The following SSPN variants were observed in gnomAD, a reference collection of about 807,000 sequenced individuals.
SSPN encodes the protein K-ras oncogene-associated protein.
A neutral mutation model predicts 19.1 loss-of-function variants in SSPN; 15 were observed. That is an observed-to-expected ratio of 0.78 (90% CI 0.52 to 1.21). The LOEUF is 1.21. Ranked by LOEUF, SSPN falls within the 50% of genes most tolerant of loss-of-function variation. SSPN has a pLI of 0.00. For missense variants in SSPN, 291 were observed against 314.0 expected, an observed-to-expected ratio of 0.93 and a Z score of 0.55; for synonymous variants, 147 against 140.3, an observed-to-expected ratio of 1.05 and a Z score of -0.34.
chr12:26,176,499 G>A (rs1944684706), intron 1 of SSPN, among the ~76,000 whole-genome samples: 1 of 152,188 alleles, frequency 6.6e-6, no homozygotes, highest in African/African-American at 2.4e-5. Context: ...GTGTGTTAAA[G>A]CCAGCAAGCA....
intron 1 of SSPN, chr12:26,123,612 C>T (rs1457703335): frequency 3.2e-6 from 5 of 1,572,522 alleles, no homozygotes; most frequent in Admixed American, 3.3e-5. Context: ...GTAGGCTGGC[C>T]TCCCTGAACT....
chr12:26,172,982 A>C (rs1944662797), intron 1 of SSPN, among the ~76,000 whole-genome samples: 1 of 152,166 alleles, frequency 6.6e-6, no homozygotes, highest in Non-Finnish European at 1.5e-5. Context: ...GAGTAAAGAC[A>C]ATTTTTTAAC....
intron 1 of SSPN, among the ~76,000 whole-genome samples, chr12:26,199,425 C>A (rs760376539): frequency 6.6e-6 from 1 of 152,124 alleles, no homozygotes; most frequent in African/African-American, 2.4e-5. Context: ...GACTACGTAA[C>A]CTGTAAAAGT....
chr12:26,150,503 C>A (rs942992464), intron 1 of SSPN, among the ~76,000 whole-genome samples: 1 of 152,056 alleles, frequency 6.6e-6, no homozygotes. Context: ...CCTGTACATA[C>A]AATTTATATA....
chr12:26,139,110 A>T (rs995757547), intron 1 of SSPN, among the ~76,000 whole-genome samples: 8 of 152,152 alleles, frequency 5.3e-5, no homozygotes, highest in African/African-American at 1.9e-4. Context: ...ACTATGTTAT[A>T]AATGATGTGT....
intron 1 of SSPN, among the ~76,000 whole-genome samples, chr12:26,171,624 A>ATT (rs3082328): frequency 6.7e-6 from 1 of 149,272 alleles, no homozygotes; most frequent in Non-Finnish European, 1.5e-5. Context: ...TGTTTTCCCT[A>ATT]TTTTTTTTTT....
chr12:26,132,350 A>G (rs909866205), intron 1 of SSPN, among the ~76,000 whole-genome samples: 5 of 152,214 alleles, frequency 3.3e-5, no homozygotes, highest in African/African-American at 1.2e-4. Context: ...CAATAAGTTT[A>G]CAATTTAATG....
At chr12:26,166,816 T>G (rs1944624116) in intron 1 of SSPN, among the ~76,000 whole-genome samples, 1 of 152,220 alleles carries the variant, frequency 6.6e-6, no homozygotes, top group South Asian at 2.1e-4. Flanking sequence ...ATAGGAAAAG[T>G]TTGCTGATCT....
intron 1 of SSPN, among the ~76,000 whole-genome samples, chr12:26,152,745 A>T (rs1944532908): frequency 6.6e-6 from 1 of 152,186 alleles, no homozygotes; most frequent in Admixed American, 6.5e-5. Context: ...TCATATTTTT[A>T]AAATGTATGT....
At position 26,230,903 on chromosome 12, in the gene SSPN, G is replaced by A. The variant is rs754481274; in HGVS notation, c.559G>A (p.Val187Ile). Residue 187 changes from valine to isoleucine, a missense_variant, in exon 3 of 3, where the codon GTC (valine) becomes ATC (isoleucine). Physicochemically the swap from Val to Ile is conservative, Grantham distance 29. This residue lies in a region of SSPN where 141 missense variants were observed against 166.7 expected (regional missense o/e 0.85). Coordinates refer to ENST00000242729, the MANE Select transcript of SSPN (RefSeq NM_005086.5). ...CCGGGATGTGACGGACTGTACCAGCGTCACTGGCACTTTCAAACTGTTCTT... is the reference window on the plus strand; with the variant it reads ...CCGGGATGTGACGGACTGTACCAGCATCACTGGCACTTTCAAACTGTTCTT... The part of the protein sequence containing the change: ...VYRDVTDCTS[V>I]TGTFKLFLLI... The A allele has an allele frequency of 1.4e-5, 22 of 1,614,022 alleles. No homozygotes were observed. The highest frequency in any genetic ancestry group is 2.2e-5 in the South Asian group (2 of 91,080).
chr12:26,134,631 A>G (rs564866957), intron 1 of SSPN, among the ~76,000 whole-genome samples: 2 of 152,264 alleles, frequency 1.3e-5, no homozygotes, highest in Non-Finnish European at 2.9e-5. Context: ...AAACACTTGA[A>G]TGACAAGTCA....
intron 1 of SSPN, among the ~76,000 whole-genome samples, chr12:26,214,366 AG>A (rs1945024100): frequency 6.6e-6 from 1 of 152,206 alleles, no homozygotes; most frequent in Non-Finnish European, 1.5e-5. Context: ...TCCTTCAGGC[AG>A]GTGGCTGTAC....
At chr12:26,171,642 G>T (rs1944654327) in intron 1 of SSPN, among the ~76,000 whole-genome samples, 1 of 151,118 alleles carries the variant, frequency 6.6e-6, no homozygotes, top group African/African-American at 2.4e-5. Context: ...TTTTGTCAAA[G>T]AACTATAGTT....
At chr12:26,189,152 A>G (rs1486658790) in intron 1 of SSPN, among the ~76,000 whole-genome samples, 1 of 152,224 alleles carries the variant, frequency 6.6e-6, no homozygotes, top group Non-Finnish European at 1.5e-5. Context: ...CTATAAAGAT[A>G]CATAAACCTT....
intron 1 of SSPN, among the ~76,000 whole-genome samples, chr12:26,220,629 CA>C: frequency 6.6e-6 from 1 of 152,288 alleles, no homozygotes; most frequent in Admixed American, 6.5e-5. Flanking sequence ...TGATGACTAA[CA>C]AATCCTTGTC....
At chr12:26,191,825 GT>G (rs1186341487), upstream of SSPN, among the ~76,000 whole-genome samples, 1 of 152,060 alleles carries the variant, frequency 6.6e-6, no homozygotes, top group Non-Finnish European at 1.5e-5. Context: ...ATTCCCAATT[GT>G]TTTCTGCAGA....
At chr12:26,187,536 C>T (rs568217426) in intron 1 of SSPN, among the ~76,000 whole-genome samples, 80 of 152,122 alleles carry the variant, frequency 5.3e-4, no homozygotes, top group Non-Finnish European at 1.0e-3. Flanking sequence ...TTGATGTAAC[C>T]GTCACGAGGT....
chr12:26,128,659 T>C (rs1944380462), intron 1 of SSPN, among the ~76,000 whole-genome samples: 1 of 152,230 alleles, frequency 6.6e-6, no homozygotes, highest in African/African-American at 2.4e-5. Flanking sequence ...GGTTGAGTCT[T>C]ATCTTTTTAG....
At chr12:26,203,883 C>G (rs566064684) in intron 1 of SSPN, among the ~76,000 whole-genome samples, 1 of 152,280 alleles carries the variant, frequency 6.6e-6, no homozygotes, top group South Asian at 2.1e-4. Flanking sequence ...GGTCTTTTCT[C>G]AGTTCATGCA....
Sources: allele counts gnomAD v4.1 joint callset (sites outside exome capture counted in the v4.1 genomes callset), GRCh38; gene constraint gnomAD v4.1.1; regional missense constraint gnomAD v4.1.1; transcripts MANE v1.5; gene names NCBI Gene and HGNC (gene_info 2026-07-23, HGNC 2026-07-21).